Variants in ABCA13 observed in about 807,000 individuals in gnomAD.
ABCA13 encodes the protein ATP binding cassette subfamily A member 13.
A neutral mutation model predicts 478.7 loss-of-function variants in ABCA13; 476 were observed. The observed-to-expected ratio is 0.99, with a 90% confidence interval of 0.92 to 1.07. The LOEUF is 1.07. Ranked by LOEUF, ABCA13 falls within the 50% of genes least tolerant of loss-of-function variation. ABCA13 has a pLI of 0.00. For synonymous variants in ABCA13, 2,252 were observed against 2,158.9 expected (o/e 1.04, Z -1.20); for missense variants, 6,060 against 5,910.6 (o/e 1.03, Z -0.83).
intron 59 of ABCA13, among the ~76,000 whole-genome samples, chr7:48,622,672 C>G (rs941751079): frequency 6.6e-6 from 1 of 152,084 alleles, no homozygotes; most frequent in Non-Finnish European, 1.5e-5. Flanking sequence ...TTACCTACTG[C>G]TCTGAGCAAG....
At chr7:48,463,522 G>C (rs532303293) in intron 43 of ABCA13, among the ~76,000 whole-genome samples, 34 of 152,268 alleles carry the variant, frequency 2.2e-4, no homozygotes, top group Admixed American at 6.5e-4. Context: ...TCCCAGGATG[G>C]GTCCTTTCTG....
chr7:48,337,186 T>A (rs11978596), intron 28 of ABCA13, among the ~76,000 whole-genome samples: 1 of 152,080 alleles, frequency 6.6e-6, no homozygotes, highest in African/African-American at 2.4e-5. Flanking sequence ...TAGTAGTCGA[T>A]GTGTATGTTG....
At chr7:48,456,501 A>C (rs1029147979) in intron 43 of ABCA13, among the ~76,000 whole-genome samples, 1 of 152,212 alleles carries the variant, frequency 6.6e-6, no homozygotes, top group African/African-American at 2.4e-5. Flanking sequence ...AAAAACAATC[A>C]CATGTAATTT....
intron 33 of ABCA13, 132 bp downstream of exon 33, chr7:48,372,629 CTT>C: frequency 1.3e-6 from 1 of 783,792 alleles, no homozygotes; most frequent in Non-Finnish European, 1.9e-6. Flanking sequence ...CTGATATCTG[CTT>C]TTTAAAATCT....
chr7:48,462,545 G>C (rs1489294082), intron 43 of ABCA13, among the ~76,000 whole-genome samples: 2 of 151,420 alleles, frequency 1.3e-5, no homozygotes, highest in African/African-American at 4.9e-5. Context: ...GTCTCACTCT[G>C]TTGACCAGGC....
rs559002462 is a variant in ABCA13 at position 48,584,270 on chromosome 7, A to G, written c.14506-2884A>G. On this transcript the variant is annotated intron_variant, in intron 56 of 61. Transcript: ENST00000435803. ...ATATTTATAGATCTAAAAATAACCA[A>G]AACAATCATTATCACAATTTGTCAT... Among the ~76,000 whole-genome samples the G allele has an allele frequency of 3.3e-5, 5 of 152,316 alleles. No homozygotes were observed. In the South Asian group the frequency reaches 1.0e-3, roughly 32 times the overall value.
rs1265269560 is a variant in ABCA13, at chr7:48,596,157, CA to C, written c.14744+1346del. On this transcript the variant is annotated intron_variant, in intron 58 of 61. Coordinates refer to ENST00000435803, the MANE Select transcript of ABCA13 (RefSeq NM_152701.5). ...TAACAAGTGTTACTGGCTGCAAAGC[CA>C]ATGTATTGTGAAGAACTCAGCCATT... Among the ~76,000 whole-genome samples, 3 of 152,308 alleles carry C rather than the reference CA, an allele frequency of 2.0e-5. No individual in the cohort carries two copies. In the East Asian group the frequency reaches 5.8e-4, roughly 29 times the overall value.
rs1246067372 is a variant in ABCA13, at chr7:48,248,312, G to A, written c.1733G>A (p.Trp578Ter). The A allele has an allele frequency of 6.2e-7, 1 of 1,613,900 alleles. No homozygotes were observed. Among genetic ancestry groups the A allele is most frequent in the Admixed American group, 1.7e-5 (1 of 60,012 alleles). ...SVLIPEEYLD[W>*]QELEMQLSEA... ...TTAATACCTGAAGAATATTTGGACT[G>A]GCAGGAACTTGAGATGCAGCTGTCA... Residue 578 changes from tryptophan to a stop codon, truncating the protein, a stop_gained, in exon 14 of 62, where the codon TGG becomes TAG. Coordinates refer to ENST00000435803, the MANE Select transcript of ABCA13 (RefSeq NM_152701.5). LOFTEE classifies it high-confidence loss of function.
chr7:48,471,452 G>A, intron 44 of ABCA13, 78 bp from the exon 45 acceptor site: 4 of 1,321,586 alleles, frequency 3.0e-6, no homozygotes, highest in African/African-American at 2.9e-5. Flanking sequence ...GTTCTAGTCT[G>A]ATGAAACTCT....
chr7:48,404,935 G>C (rs1818066265), intron 39 of ABCA13, among the ~76,000 whole-genome samples: 1 of 152,354 alleles, frequency 6.6e-6, no homozygotes, highest in South Asian at 2.1e-4. Context: ...GTGACTTTTT[G>C]TTCCACTCTG....
intron 35 of ABCA13, among the ~76,000 whole-genome samples, chr7:48,386,610 A>C (rs548953788): frequency 6.6e-6 from 1 of 152,346 alleles, no homozygotes; most frequent in African/African-American, 2.4e-5. Context: ...GATCTTCAAC[A>C]AACCTAAAAA....
At chr7:48,613,146 G>T (rs1163523365) in intron 58 of ABCA13, among the ~76,000 whole-genome samples, 2 of 150,964 alleles carry the variant, frequency 1.3e-5, no homozygotes, top group Non-Finnish European at 2.9e-5. Context: ...GTTCTTTATA[G>T]TAAGTATATC....
intron 8 of ABCA13, among the ~76,000 whole-genome samples, chr7:48,237,694 G>A (rs189844350): frequency 6.6e-6 from 1 of 152,228 alleles, no homozygotes; most frequent in South Asian, 2.1e-4. Flanking sequence ...CCCTGCAAGA[G>A]AATAGTCCTC....
intron 38 of ABCA13, among the ~76,000 whole-genome samples, chr7:48,394,398 C>T (rs1353461686): frequency 3.3e-5 from 5 of 152,214 alleles, no homozygotes; most frequent in East Asian, 1.9e-4. Context: ...TGATGGGCTC[C>T]GTGTGTAGCC....
In ABCA13 at chr7:48,391,936, G is replaced by A; in HGVS notation, c.11670G>A (p.Gly3890=). ...TCTCTGGCAGATCCATGTTGACGGG[G>A]CTCCACCCTCCCACTTCTGGAACCA... ...GKTTIISMLT[G]LHPPTSGTII... The change falls in exon 38 of 62, where the codon GGG becomes GGA. Residue 3890 remains glycine, a synonymous_variant. Transcript: ENST00000435803. 6.2e-7 allele frequency: 1 copy of A among 1,613,804 alleles called. No individual in the cohort carries two copies. The highest frequency in any genetic ancestry group is 8.5e-7 in the Non-Finnish European group (1 of 1,179,826).
chr7:48,245,624 C>G lies in ABCA13; in HGVS notation c.1491+12C>G, dbSNP rs1180901001. 6.3e-7 allele frequency: 1 copy of G among 1,594,268 alleles called. No homozygotes were observed. The highest frequency in any genetic ancestry group is 2.2e-5 in the East Asian group (1 of 44,760). On this transcript the variant is annotated intron_variant, in intron 12 of 61. Transcript: ENST00000435803. Reference sequence around the variant, plus strand: ...GGGAGCTGAAACAGGTAAAGCACAACAAATAATTATAAATAAGCATTTTTA... The same window carrying G: ...GGGAGCTGAAACAGGTAAAGCACAAGAAATAATTATAAATAAGCATTTTTA...
intron 3 of ABCA13, among the ~76,000 whole-genome samples, chr7:48,198,896 G>A (rs1323178257): frequency 6.6e-6 from 1 of 152,194 alleles, no homozygotes; most frequent in Non-Finnish European, 1.5e-5. Context: ...GTTGCCTACA[G>A]TGTCAGTTGG....
intron 55 of ABCA13, among the ~76,000 whole-genome samples, chr7:48,545,371 G>A (rs1784733288): frequency 6.6e-6 from 1 of 151,744 alleles, no homozygotes; most frequent in Non-Finnish European, 1.5e-5. Context: ...GAAAACCTGA[G>A]CTTATACCCT....
intron 55 of ABCA13, among the ~76,000 whole-genome samples, chr7:48,560,727 G>A (rs183392150): frequency 1.8e-4 from 28 of 152,254 alleles, no homozygotes; most frequent in Non-Finnish European, 3.4e-4. Context: ...TTACTTTCTA[G>A]CAATATTGAA....
Sources: allele counts gnomAD v4.1 joint callset (sites outside exome capture counted in the v4.1 genomes callset), GRCh38; gene constraint gnomAD v4.1.1; transcripts MANE v1.5; gene names NCBI Gene and HGNC (gene_info 2026-07-23, HGNC 2026-07-21).